The following ZMYND15 variants were observed in gnomAD, a reference collection of about 807,000 sequenced individuals.
ZMYND15 encodes zinc finger MYND domain-containing protein 15.
A neutral mutation model predicts 81.7 loss-of-function variants in ZMYND15; 54 were observed. The ratio of observed to expected loss-of-function variants is 0.66; its 90% CI spans 0.53 to 0.83. The LOEUF (loss-of-function observed/expected upper bound fraction) is 0.83. Among genes scored for constraint, ZMYND15 ranks in the 40% least tolerant of loss-of-function variants. ZMYND15 has a pLI of 0.00. For missense variants in ZMYND15, 925 were observed against 973.5 expected (o/e 0.95, Z 0.66); for synonymous variants, 399 against 387.0 (o/e 1.03, Z -0.36).
intron 4 of ZMYND15, 79 bp downstream of exon 4, chr17:4,742,149 G>A (rs1294269596): frequency 3.8e-6 from 6 of 1,585,726 alleles, no homozygotes; most frequent in Non-Finnish European, 5.2e-6. Context: ...GGGGCGCCTA[G>A]CAGACAGAAG....
Position 4,745,249 on chromosome 17 carries a change from G to GCTTCTTCAC in ZMYND15, c.1932_1933insTTCTTCACC (p.Ser644_Glu645insPhePheThr), listed in dbSNP as rs1312447737. 1 of 1,614,046 alleles carries GCTTCTTCAC rather than the reference G, an allele frequency of 6.2e-7. No homozygotes were observed. Among genetic ancestry groups the GCTTCTTCAC allele is most frequent in the South Asian group, 1.1e-5 (1 of 91,076 alleles). On this transcript the variant is annotated inframe_insertion, in exon 13 of 14. Transcript: ENST00000433935. The surrounding 1 kb of genome is among the most constrained non-coding windows in gnomAD (Gnocchi z 5.2). ...GTGCCAGCCTTCTTCACCGAGAGCA[G>GCTTCTTCAC]CGAGTACAGCTGTGTGATGGACGGC...
Position 4,745,246 on chromosome 17 carries a change from G to A in ZMYND15, c.1928G>A (p.Ser643Asn). Reference sequence around the variant, plus strand: ...CGAGTGCCAGCCTTCTTCACCGAGAGCAGCGAGTACAGCTGTGTGATGGAC... The same window carrying A: ...CGAGTGCCAGCCTTCTTCACCGAGAACAGCGAGTACAGCTGTGTGATGGAC... ...SLRVPAFFTE[S>N]SEYSCVMDGQ... Residue 643 changes from serine to asparagine, a missense_variant, in exon 13 of 14, where the codon AGC (serine) becomes AAC (asparagine). Coordinates refer to ENST00000433935, the MANE Select transcript of ZMYND15 (RefSeq NM_001136046.3). This position sits in a 1 kb window ranked among gnomAD's most constrained non-coding sequence, Gnocchi z 5.2. The A allele has an allele frequency of 6.2e-7, 1 of 1,614,024 alleles. No homozygotes were observed. The highest frequency in any genetic ancestry group is 8.5e-7 in the Non-Finnish European group (1 of 1,179,994).
In ZMYND15 at chr17:4,745,947, G is replaced by A. The variant is rs1371112744; in HGVS notation, c.2186G>A (p.Arg729Gln). The A allele has an allele frequency of 4.8e-6, 7 of 1,468,420 alleles. No homozygotes were observed. The African/African-American group carries it at 7.4e-5, about 16-fold the overall frequency. 91.0% of individuals were successfully genotyped at this position (1,468,420 alleles called of 1,614,324 possible). ...CCTCCTGCCCCCACCCGAAGGCGCCGAGGAGAAAAGAAACCTGGGCGGGGG... is the reference window on the plus strand; with the variant it reads ...CCTCCTGCCCCCACCCGAAGGCGCCAAGGAGAAAAGAAACCTGGGCGGGGG... ...SAPPAPTRRRRGEKKPGRGAR... is the reference protein window; with the variant it reads ...SAPPAPTRRRQGEKKPGRGAR... The change falls in exon 14 of 14, where the codon CGA becomes CAA. Residue 729 changes from arginine (R) to glutamine (Q), a missense_variant. Transcript: ENST00000433935. This position sits in a 1 kb window ranked among gnomAD's most constrained non-coding sequence, Gnocchi z 5.2.
Position 4,744,978 on chromosome 17 carries a change from TC to T in ZMYND15, c.1896+54del, listed in dbSNP as rs778597875. 13 of 1,608,422 alleles carry T rather than the reference TC, an allele frequency of 8.1e-6. No individual in the cohort carries two copies. The East Asian group carries it at 2.5e-4, about 30-fold the overall frequency. On this transcript the variant is annotated intron_variant, in intron 12 of 13. Coordinates refer to ENST00000433935, the MANE Select transcript of ZMYND15 (RefSeq NM_001136046.3). This position sits in a 1 kb window ranked among gnomAD's most constrained non-coding sequence, Gnocchi z 4.1. ...CTTCTCTCCCCTCCTGCCTGGCCCC[TC>T]CCCATCTCCTTTTCTGAAAGTCTCT...
Position 4,743,950 on chromosome 17 carries a change from G to A in ZMYND15, c.1379-41G>A. ...GAGGTTTGTTAGACTAGAGGGGGTG[G>A]GGGTCCAGGGCCAGGTCCTCTAGCA... is the stretch of plus-strand genomic sequence containing the variant. On this transcript the variant is annotated intron_variant, in intron 7 of 13. Coordinates refer to ENST00000433935, the MANE Select transcript of ZMYND15 (RefSeq NM_001136046.3). This position sits in a 1 kb window ranked among gnomAD's most constrained non-coding sequence, Gnocchi z 4.3. 1 of 1,558,598 alleles carries A rather than the reference G, an allele frequency of 6.4e-7. No individual in the cohort carries two copies.
chr17:4,745,907 C>G lies in ZMYND15; in HGVS notation c.2146C>G (p.Pro716Ala), dbSNP rs1209157316. 1.3e-6 allele frequency: 2 copies of G among 1,537,280 alleles called. No individual in the cohort carries two copies. The highest frequency in any genetic ancestry group is 1.7e-6 in the Non-Finnish European group (2 of 1,144,560). ...RPAPGPPPPS[P>A]TPSAPPAPTR... ...GGCGCCCGGGCCCCCACCCCCATCC[C>G]CAACTCCCTCTGCTCCTCCTGCCCC... Residue 716 changes from proline to alanine, a missense_variant, in exon 14 of 14, where the codon CCA (proline) becomes GCA (alanine). Pro to Ala is a conservative substitution (Grantham distance 27, BLOSUM62 -1). Transcript: ENST00000433935. This position sits in a 1 kb window ranked among gnomAD's most constrained non-coding sequence, Gnocchi z 5.2.
intron 2 of ZMYND15, 33 bp from the exon 3 acceptor site, chr17:4,741,549 C>T (rs1158058511): frequency 6.2e-7 from 1 of 1,612,064 alleles, no homozygotes; most frequent in South Asian, 1.1e-5. Flanking sequence ...TCTCGCTGCC[C>T]CCTACCACCT....
Position 4,745,489 on chromosome 17 carries a change from C to A in ZMYND15, c.2057+114C>A, listed in dbSNP as rs545935767. On this transcript the variant is annotated intron_variant, in intron 13 of 13. Coordinates refer to ENST00000433935, the MANE Select transcript of ZMYND15 (RefSeq NM_001136046.3). This position sits in a 1 kb window ranked among gnomAD's most constrained non-coding sequence, Gnocchi z 5.2. ...TCCCTGCTGTCCTGGGGCCCTCCTG[C>A]CCCCAGCCCAGCAACCTGCCTTCTC... 6.2e-4 allele frequency: 818 copies of A among 1,327,376 alleles called. 7 individuals are homozygous for A. The African/African-American group carries it at 8.9e-3, about 14-fold the overall frequency. The allele number at this position is 1,327,376 out of a possible 1,614,324, so 82.2% of individuals were successfully genotyped here. A position where few individuals can be genotyped will look rare whatever the true frequency, so the allele number is the denominator to read the frequency against.
In ZMYND15 at chr17:4,743,715, G is replaced by A. The variant is rs1916537154; in HGVS notation, c.1298-52G>A. The A allele has an allele frequency of 2.6e-6, 4 of 1,549,532 alleles. No homozygotes were observed. The highest frequency in any genetic ancestry group is 3.5e-6 in the Non-Finnish European group (4 of 1,138,408). ...CCCTTTGGAAGGAAGAAAGAGATGGGTCAGGTGGGGGTCTCCCTGACCCCA... is the reference window on the plus strand; with the variant it reads ...CCCTTTGGAAGGAAGAAAGAGATGGATCAGGTGGGGGTCTCCCTGACCCCA... On this transcript the variant is annotated intron_variant, in intron 6 of 13. Transcript: ENST00000433935. The surrounding 1 kb of genome is among the most constrained non-coding windows in gnomAD (Gnocchi z 4.3).
In ZMYND15 at chr17:4,745,947, G is replaced by T; in HGVS notation, c.2186G>T (p.Arg729Leu). ...SAPPAPTRRR[R>L]GEKKPGRGAR... is the part of the protein sequence containing the mutation. ...CCTCCTGCCCCCACCCGAAGGCGCCGAGGAGAAAAGAAACCTGGGCGGGGG... is the reference window on the plus strand; with the variant it reads ...CCTCCTGCCCCCACCCGAAGGCGCCTAGGAGAAAAGAAACCTGGGCGGGGG... Residue 729 changes from arginine to leucine, a missense_variant, in exon 14 of 14, where the codon CGA becomes CTA. Physicochemically the swap from Arg to Leu is moderately radical, Grantham distance 102 (BLOSUM62 -2). Transcript: ENST00000433935. This position sits in a 1 kb window ranked among gnomAD's most constrained non-coding sequence, Gnocchi z 5.2. 2 of 1,468,536 alleles carry T rather than the reference G, an allele frequency of 1.4e-6. No homozygotes were observed. The highest frequency in any genetic ancestry group is 1.8e-6 in the Non-Finnish European group (2 of 1,114,594). 91.0% of individuals were successfully genotyped at this position (1,468,536 alleles called of 1,614,324 possible). A position where few individuals can be genotyped will look rare whatever the true frequency, so the allele number is the denominator to read the frequency against.
rs779665279 is a variant in ZMYND15 at position 4,740,509 on chromosome 17, T to C, written c.-30-10T>C. ...CCTGTCCCTCACCATATATCCCTTCTTTTGCTCAGTCTGGGCCGGGGCCCT... is the reference window on the plus strand; with the variant it reads ...CCTGTCCCTCACCATATATCCCTTCCTTTGCTCAGTCTGGGCCGGGGCCCT... On this transcript the variant is annotated splice_polypyrimidine_tract_variant and intron_variant, in intron 1 of 13. Transcript: ENST00000433935. 2.6e-6 allele frequency: 4 copies of C among 1,534,106 alleles called. No individual in the cohort carries two copies. The highest frequency in any genetic ancestry group is 3.5e-6 in the Non-Finnish European group (4 of 1,137,930).
chr17:4,745,917 C>G lies in ZMYND15; in HGVS notation c.2156C>G (p.Ser719Cys), dbSNP rs762263505. Reference sequence around the variant, plus strand: ...CCCCCACCCCCATCCCCAACTCCCTCTGCTCCTCCTGCCCCCACCCGAAGG... The same window carrying G: ...CCCCCACCCCCATCCCCAACTCCCTGTGCTCCTCCTGCCCCCACCCGAAGG... ...PGPPPPSPTPSAPPAPTRRRR... is the reference protein window; with the variant it reads ...PGPPPPSPTPCAPPAPTRRRR... The change falls in exon 14 of 14, where the codon TCT (serine) becomes TGT (cysteine). Residue 719 changes from serine (S) to cysteine (C), a missense_variant. By Grantham distance (112) the Ser-to-Cys change is moderately radical (BLOSUM62 -1). Coordinates refer to ENST00000433935, the MANE Select transcript of ZMYND15 (RefSeq NM_001136046.3). The surrounding 1 kb of genome is among the most constrained non-coding windows in gnomAD (Gnocchi z 5.2). 38 of 1,518,252 alleles carry G rather than the reference C, an allele frequency of 2.5e-5. No individual in the cohort carries two copies. In the South Asian group the frequency reaches 4.2e-4, roughly 17 times the overall value. 94.0% of individuals were successfully genotyped at this position (1,518,252 alleles called of 1,614,324 possible).
rs1916465218 is a variant in ZMYND15 at position 4,742,343 on chromosome 17, T to C, written c.996T>C (p.Ser332=). ...GCTGTGTCCCCAGCCCCCAGTGTAG[T>C]GCTGTCTTGTATTGTGGAGAGGCTT... ...EAKLTPCPQC[S]AVLYCGEACL... is the part of the protein sequence containing the mutation. The change falls in exon 5 of 14, where the codon AGT becomes AGC. Residue 332 remains serine, a synonymous_variant. Coordinates refer to ENST00000433935, the MANE Select transcript of ZMYND15 (RefSeq NM_001136046.3). 1 of 1,613,982 alleles carries C rather than the reference T, an allele frequency of 6.2e-7. No individual in the cohort carries two copies.
Position 4,739,920 on chromosome 17 carries a change from G to T in ZMYND15, c.-161G>T. On this transcript the variant is annotated 5_prime_UTR_variant, in exon 1 of 14. Transcript: ENST00000433935. The surrounding 1 kb of genome is among the most constrained non-coding windows in gnomAD (Gnocchi z 5.3). The stretch of plus-strand genomic sequence containing the variant: ...GCGCACCTGCGGGGCAGCCACCCGC[G>T]GACGCACCGAGCCCGGGGGGCGTGG... 3 of 985,318 alleles carry T rather than the reference G, an allele frequency of 3.0e-6. No individual in the cohort carries two copies. Among genetic ancestry groups the T allele is most frequent in the Non-Finnish European group, 3.6e-6 (3 of 829,994 alleles). The allele number at this position is 985,318 out of a possible 1,614,324, so 61.0% of individuals were successfully genotyped here.
In ZMYND15 at chr17:4,741,567, T is replaced by C. The variant is rs1567697972; in HGVS notation, c.593-15T>C. On this transcript the variant is annotated splice_polypyrimidine_tract_variant and intron_variant, in intron 2 of 13. Coordinates refer to ENST00000433935, the MANE Select transcript of ZMYND15 (RefSeq NM_001136046.3). The stretch of plus-strand genomic sequence containing the variant: ...CGCTGCCCCCTACCACCTCAACTTT[T>C]CCCTCTTTCCCCAGAGGCTGCCCCC... The C allele has an allele frequency of 6.2e-7, 1 of 1,613,702 alleles. No individual in the cohort carries two copies. The highest frequency in any genetic ancestry group is 8.5e-7 in the Non-Finnish European group (1 of 1,179,740).
chr17:4,741,187 T>C, intron 2 of ZMYND15, 47 bp downstream of exon 2: 2 of 1,393,256 alleles, frequency 1.4e-6, no homozygotes, highest in Non-Finnish European at 1.9e-6. Flanking sequence ...CCAGCCATCC[T>C]CCCTTCGGAA....
Position 4,745,607 on chromosome 17 carries a change from A to G in ZMYND15, c.2058-212A>G, listed in dbSNP as rs1916627914. On this transcript the variant is annotated intron_variant, in intron 13 of 13. Transcript: ENST00000433935. The surrounding 1 kb of genome is among the most constrained non-coding windows in gnomAD (Gnocchi z 5.2). ...GCTCACGGAATCTCCCCAACCCACA[A>G]AAGACCCCGCGACCCTCCAACAGAC... 6.6e-6 allele frequency among the ~76,000 whole-genome samples: 1 copy of G among 151,724 alleles called. No individual in the cohort carries two copies. Among genetic ancestry groups the G allele is most frequent in the African/African-American group, 2.4e-5 (1 of 41,242 alleles).
rs1420259389 is a variant in ZMYND15, at chr17:4,743,971, T to C, written c.1379-20T>C. The C allele has an allele frequency of 6.4e-7, 1 of 1,555,146 alleles. No homozygotes were observed. On this transcript the variant is annotated intron_variant, in intron 7 of 13. Coordinates refer to ENST00000433935, the MANE Select transcript of ZMYND15 (RefSeq NM_001136046.3). This position sits in a 1 kb window ranked among gnomAD's most constrained non-coding sequence, Gnocchi z 4.3. ...GGTGGGGGTCCAGGGCCAGGTCCTC[T>C]AGCAACCCTCTCCTGCCAGGCTCAT...
In ZMYND15 at chr17:4,741,902, C is replaced by T. The variant is rs779845411; in HGVS notation, c.828-13C>T. 18 of 1,612,188 alleles carry T rather than the reference C, an allele frequency of 1.1e-5. No individual in the cohort carries two copies. In the Admixed American group the frequency reaches 1.7e-4, roughly 15 times the overall value. On this transcript the variant is annotated splice_polypyrimidine_tract_variant and intron_variant, in intron 3 of 13. Transcript: ENST00000433935. Reference sequence around the variant, plus strand: ...CTCCAGCCTGATGCCATCTCCCCCCCAACTGCATTTAGAGAGCTGGAGAGC... The same window carrying T: ...CTCCAGCCTGATGCCATCTCCCCCCTAACTGCATTTAGAGAGCTGGAGAGC...
Sources: allele counts gnomAD v4.1 joint callset (sites outside exome capture counted in the v4.1 genomes callset), GRCh38; gene constraint gnomAD v4.1.1; non-coding constraint Gnocchi (gnomAD v3.1); transcripts MANE v1.5; gene names NCBI Gene and HGNC (gene_info 2026-07-23, HGNC 2026-07-21).